The following JADE1 variants were observed in gnomAD, a reference collection of about 807,000 sequenced individuals.
JADE1 encodes the protein protein Jade-1.
A neutral mutation model predicts 81.8 loss-of-function variants in JADE1; 14 were observed. The ratio of observed to expected loss-of-function variants is 0.17; its 90% CI spans 0.11 to 0.27. The LOEUF is 0.27. JADE1 is among the 10% of genes least tolerant of loss of function. JADE1 has a pLI of 1.00. For missense variants in JADE1, 690 were observed against 1,047.9 expected (o/e 0.66, Z 4.71); for synonymous variants, 353 against 391.9 (o/e 0.90, Z 1.17).
chr4:128,835,842 G>A (rs1728937428), intron 2 of JADE1, among the ~76,000 whole-genome samples: 1 of 152,230 alleles, frequency 6.6e-6, no homozygotes, highest in Admixed American at 6.5e-5. Context: ...GCCTGGTCCA[G>A]AGGAATACCA....
intron 1 of JADE1, chr4:128,831,498 TTGGGAGACCTACTGA>T (rs1728548937): frequency 1.9e-6 from 1 of 517,298 alleles, no homozygotes; most frequent in African/African-American, 1.9e-5. Context: ...CCTGGCATCT[TTGGGAGACCTACTGA>T]TATGTGACTT....
At chr4:128,843,808 A>T (rs1729648077) in intron 3 of JADE1, among the ~76,000 whole-genome samples, 1 of 152,186 alleles carries the variant, frequency 6.6e-6, no homozygotes, top group Non-Finnish European at 1.5e-5. Flanking sequence ...TCATCCTGTA[A>T]TGGCAATGCA....
At chr4:128,810,875 G>T (rs963320470) in intron 1 of JADE1, among the ~76,000 whole-genome samples, 1 of 152,114 alleles carries the variant, frequency 6.6e-6, no homozygotes, top group Non-Finnish European at 1.5e-5. Flanking sequence ...AGGAGTTGGC[G>T]TTGGTAGAGC....
In JADE1 at chr4:128,872,312, A is replaced by AGAG; in HGVS notation, c.*54_*56dup. The AGAG allele has an allele frequency of 6.6e-6, 10 of 1,526,036 alleles. No individual in the cohort carries two copies. The highest frequency in any genetic ancestry group is 9.0e-6 in the Non-Finnish European group (10 of 1,112,872). 94.5% of individuals were successfully genotyped at this position (1,526,036 alleles called of 1,614,324 possible). A position where few individuals can be genotyped will look rare whatever the true frequency, so the allele number is the denominator to read the frequency against. Reference sequence around the variant, plus strand: ...CTTTGGGCTCGTCATTGGGTTTGCTAGAGGAGAGCTCTGATGTGGGGGAGA... The same window carrying AGAG: ...CTTTGGGCTCGTCATTGGGTTTGCTAGAGGAGGAGAGCTCTGATGTGGGGGAGA... On this transcript the variant is annotated 3_prime_UTR_variant, in exon 11 of 11. Coordinates refer to ENST00000226319, the MANE Select transcript of JADE1 (RefSeq NM_199320.4).
rs1254665751 is a variant in JADE1, at chr4:128,867,860, G to A, written c.1508G>A (p.Arg503Gln). The A allele has an allele frequency of 6.2e-7, 1 of 1,606,656 alleles. No homozygotes were observed. The highest frequency in any genetic ancestry group is 8.5e-7 in the Non-Finnish European group (1 of 1,173,668). Reference protein sequence around the residue: ...THLRQDLERVRNLTYMVTRRE... With the variant: ...THLRQDLERVQNLTYMVTRRE... ...TCTTTATTCTCTACATTCTAGGTTC[G>A]GAACCTCACTTACATGGTGACCCGC... Residue 503 changes from arginine (R) to glutamine (Q), a missense_variant, in exon 10 of 11, where the codon CGG becomes CAG. Coordinates refer to ENST00000226319, the MANE Select transcript of JADE1 (RefSeq NM_199320.4).
At chr4:128,814,993 A>G (rs1379327284) in intron 1 of JADE1, among the ~76,000 whole-genome samples, 1 of 152,048 alleles carries the variant, frequency 6.6e-6, no homozygotes, top group African/African-American at 2.4e-5. Context: ...ACTGCCTAAT[A>G]AAGGACCATT....
chr4:128,829,056 C>G (rs924844684), intron 1 of JADE1, among the ~76,000 whole-genome samples: 2 of 152,100 alleles, frequency 1.3e-5, no homozygotes, highest in Admixed American at 1.3e-4. Flanking sequence ...CTTGCTGGAT[C>G]CTGAGGGGAC....
intron 1 of JADE1, 84 bp from the exon 2 acceptor site, chr4:128,831,639 TTTGTTTGCTG>T: frequency 9.5e-7 from 1 of 1,055,330 alleles, no homozygotes; most frequent in East Asian, 2.4e-5. Flanking sequence ...TTTGTTTGCT[TTTGTTTGCTG>T]TAAATCCTGG....
At chr4:128,814,376 A>G (rs1160187308) in intron 1 of JADE1, among the ~76,000 whole-genome samples, 2 of 152,204 alleles carry the variant, frequency 1.3e-5, no homozygotes, top group Non-Finnish European at 2.9e-5. Context: ...TTAGCTGTTA[A>G]AAAGTTATTA....
intron 2 of JADE1, among the ~76,000 whole-genome samples, chr4:128,832,175 A>C (rs1373054270): frequency 6.6e-6 from 1 of 152,242 alleles, no homozygotes; most frequent in African/African-American, 2.4e-5. Flanking sequence ...GGTTCAACTC[A>C]ATACAAGGGG....
intron 3 of JADE1, among the ~76,000 whole-genome samples, chr4:128,844,326 C>CT (rs972970158): frequency 6.6e-6 from 1 of 152,178 alleles, no homozygotes; most frequent in African/African-American, 2.4e-5. Flanking sequence ...GCTGTGCTGG[C>CT]TTTGTCCCAG....
rs1560775665 is a variant in JADE1 at position 128,862,198 on chromosome 4, C to G, written c.1476C>G (p.Phe492Leu). The G allele has an allele frequency of 6.2e-7, 1 of 1,614,166 alleles. No homozygotes were observed. ...QDVLFRRLQLFTHLRQDLERV... is the reference protein window; with the variant it reads ...QDVLFRRLQLLTHLRQDLERV... The stretch of plus-strand genomic sequence containing the variant: ...TCTTATTTAGGAGGCTGCAGCTGTT[C>G]ACGCACCTGCGGCAGGACCTGGAGA... Residue 492 changes from phenylalanine (F) to leucine (L), a missense_variant, in exon 9 of 11, where the codon TTC (phenylalanine) becomes TTG (leucine). Around this residue, in one of 8 missense-constraint regions of JADE1, gnomAD observed 63 missense variants for 138.4 expected, o/e 0.46. Transcript: ENST00000226319.
intron 9 of JADE1, chr4:128,863,288 T>C (rs1032292801): frequency 1.0e-6 from 1 of 985,516 alleles, no homozygotes; most frequent in East Asian, 1.1e-4. Context: ...TTAGAGCATC[T>C]TCCACATCAA....
intron 9 of JADE1, chr4:128,862,663 A>T: frequency 9.8e-7 from 1 of 1,018,246 alleles, no homozygotes; most frequent in South Asian, 3.8e-5. Context: ...TTTCTTGTTC[A>T]GTCCGGGGAA....
chr4:128,874,523 C>A lies in JADE1; in HGVS notation c.*2261C>A, dbSNP rs1732429782. 1 of 151,906 alleles carries A rather than the reference C, an allele frequency of 6.6e-6. No individual in the cohort carries two copies. The highest frequency in any genetic ancestry group is 1.5e-5 in the Non-Finnish European group (1 of 67,902). 9.4% of individuals were successfully genotyped at this position (151,906 alleles called of 1,614,324 possible). ...CAAAAAATATTAAAAAAAACCCACA[C>A]AAAAACAAAACACACAAAAATAAAA... On this transcript the variant is annotated 3_prime_UTR_variant, in exon 11 of 11. Coordinates refer to ENST00000226319, the MANE Select transcript of JADE1 (RefSeq NM_199320.4).
chr4:128,869,845 C>CT (rs920800679), intron 10 of JADE1, among the ~76,000 whole-genome samples: 3 of 152,150 alleles, frequency 2.0e-5, no homozygotes, highest in South Asian at 2.1e-4. Flanking sequence ...CTTTAGGGTG[C>CT]TTTTTTTCTT....
chr4:128,872,093 AG>A lies in JADE1; in HGVS notation c.2362del (p.Glu788LysfsTer7). ...TTGGGCTTAGGCCGAGTTCCAGCCA[AG>A]GAAAGGGCAAAAAGCAAATTAAAAT... ...PYLGLGRVPA[K>X]ERAKSKLKSD... On this transcript the variant is annotated frameshift_variant, in exon 11 of 11. Transcript: ENST00000226319. LOFTEE classifies it high-confidence loss of function. 6.2e-7 allele frequency: 1 copy of A among 1,614,190 alleles called. No homozygotes were observed. Among genetic ancestry groups the A allele is most frequent in the Non-Finnish European group, 8.5e-7 (1 of 1,180,022 alleles).
In JADE1 at chr4:128,871,603, ATGG is replaced by A. The variant is rs1164245088; in HGVS notation, c.1875_1877del (p.Val626del). 1 of 1,614,192 alleles carries A rather than the reference ATGG, an allele frequency of 6.2e-7. No individual in the cohort carries two copies. Among genetic ancestry groups the A allele is most frequent in the Non-Finnish European group, 8.5e-7 (1 of 1,180,028 alleles). On this transcript the variant is annotated inframe_deletion, in exon 11 of 11. Transcript: ENST00000226319. This position sits in a 1 kb window ranked among gnomAD's most constrained non-coding sequence, Gnocchi z 4.1. ...AGACCTGTGTGGTAGAAGGGAGGGG[ATGG>A]TGGTCCCAGAGAGCTTTTTGGGTTT... is the stretch of plus-strand genomic sequence containing the variant.
rs1407368881 is a variant in JADE1 at position 128,873,018 on chromosome 4, T to C, written c.*756T>C. On this transcript the variant is annotated 3_prime_UTR_variant, in exon 11 of 11. Transcript: ENST00000226319. ...TATCTATGAATAAGGGCAGTTGAAGTAGAATTTTTACCAGTCCACTTGACC... is the reference window on the plus strand; with the variant it reads ...TATCTATGAATAAGGGCAGTTGAAGCAGAATTTTTACCAGTCCACTTGACC... 2.4e-6 allele frequency: 1 copy of C among 423,908 alleles called. No individual in the cohort carries two copies. The highest frequency in any genetic ancestry group is 4.8e-6 in the Non-Finnish European group (1 of 206,712). The allele number at this position is 423,908 out of a possible 1,614,324, so 26.3% of individuals were successfully genotyped here.
Sources: allele counts gnomAD v4.1 joint callset (sites outside exome capture counted in the v4.1 genomes callset), GRCh38; gene constraint gnomAD v4.1.1; regional missense constraint gnomAD v4.1.1; non-coding constraint Gnocchi (gnomAD v3.1); transcripts MANE v1.5; gene names NCBI Gene and HGNC (gene_info 2026-07-23, HGNC 2026-07-21).